TRPM8: variants seen among roughly 807,000 people sequenced by gnomAD.
TRPM8 encodes transient receptor potential cation channel subfamily M member 8.
TRPM8 carries 110 observed loss-of-function variants against 133.7 expected under a neutral mutation model. That is an observed-to-expected ratio of 0.82 (90% CI 0.70 to 0.96). The LOEUF (loss-of-function observed/expected upper bound fraction) is 0.96. Ranked by LOEUF, TRPM8 falls within the 40% of genes least tolerant of loss-of-function variation. The probability of loss-of-function intolerance (pLI) is 0.00; values close to 1 mark genes in which losing one functional copy is unlikely to be tolerated. For synonymous variants in TRPM8, 535 were observed against 532.3 expected, an observed-to-expected ratio of 1.01 and a Z score of -0.07; for missense variants, 1,291 against 1,379.5, an observed-to-expected ratio of 0.94 and a Z score of 1.02.
At chr2:234,016,380 G>A (rs903678450) in intron 25 of TRPM8, among the ~76,000 whole-genome samples, 3 of 152,102 alleles carry the variant, frequency 2.0e-5, no homozygotes, top group African/African-American at 7.2e-5. Flanking sequence ...TTTGAATGTT[G>A]TGTTTGTCAT....
Position 234,016,152 on chromosome 2 carries a change from C to G in TRPM8, c.*43-1147C>G, listed in dbSNP as rs17864780. Among the ~76,000 whole-genome samples, 433 of 152,016 alleles carry G rather than the reference C, an allele frequency of 2.8e-3. 2 individuals are homozygous for G. The highest frequency in any genetic ancestry group is 9.9e-3 in the African/African-American group (410 of 41,452). On this transcript the variant is annotated intron_variant, in intron 25 of 25. Transcript: ENST00000324695. ...TATTAACATATTGAGAATTAAGTAA[C>G]TGATGAATGAAAAGGAACTAAGAGA... is the stretch of plus-strand genomic sequence containing the variant.
intron 2 of TRPM8, 74 bp downstream of exon 2, chr2:233,926,728 C>T: frequency 1.7e-6 from 2 of 1,153,672 alleles, no homozygotes; most frequent in African/African-American, 1.5e-5. Flanking sequence ...TGCATTTGCA[C>T]ATTGACTTTT....
chr2:233,957,532 AC>A (rs1293536135), intron 11 of TRPM8, among the ~76,000 whole-genome samples: 2 of 152,330 alleles, frequency 1.3e-5, no homozygotes, highest in Admixed American at 6.5e-5. Context: ...AAACAAAAAA[AC>A]AAAAAAATTA....
chr2:233,939,271 C>A, intron 5 of TRPM8, 96 bp downstream of exon 5: 1 of 1,356,182 alleles, frequency 7.4e-7, no homozygotes, highest in Non-Finnish European at 1.0e-6. Flanking sequence ...TCCGGAGAAT[C>A]CGGGTGCTGC....
intron 4 of TRPM8, among the ~76,000 whole-genome samples, 190 bp from the exon 5 acceptor site, chr2:233,938,808 A>G (rs1360399583): frequency 1.3e-5 from 2 of 151,788 alleles, no homozygotes; most frequent in African/African-American, 4.8e-5. Context: ...TTCCTTTCAC[A>G]CTTCCACTTC....
intron 4 of TRPM8, 72 bp from the exon 5 acceptor site, chr2:233,938,926 G>A: frequency 6.6e-7 from 1 of 1,520,420 alleles, no homozygotes; most frequent in Non-Finnish European, 9.0e-7. Flanking sequence ...CTTGGAAGTT[G>A]GGAGGGAATG....
Position 234,014,589 on chromosome 2 carries a change from G to C in TRPM8, c.3292G>C (p.Glu1098Gln). 1 of 1,552,316 alleles carries C rather than the reference G, an allele frequency of 6.4e-7. No individual in the cohort carries two copies. The highest frequency in any genetic ancestry group is 1.4e-5 in the African/African-American group (1 of 71,366). ...TAATGATCTCAAGGGTCTTCTGAAA[G>C]AGATTGCTAATAAAATCAAATAAAA... is the stretch of plus-strand genomic sequence containing the variant. ...KLNDLKGLLK[E>Q]IANKIK Residue 1098 changes from glutamate to glutamine, a missense_variant, in exon 25 of 26, where the codon GAG becomes CAG. Transcript: ENST00000324695.
intron 1 of TRPM8, among the ~76,000 whole-genome samples, chr2:233,919,236 T>G (rs1691361571): frequency 6.6e-6 from 1 of 152,150 alleles, no homozygotes; most frequent in Admixed American, 6.5e-5. Context: ...TGCATGAATA[T>G]TCTGTTGTTC....
intron 4 of TRPM8, among the ~76,000 whole-genome samples, chr2:233,938,450 G>T (rs1356141565): frequency 6.6e-6 from 1 of 152,200 alleles, no homozygotes; most frequent in Non-Finnish European, 1.5e-5. Context: ...GCCTTAAGAG[G>T]TTCTGACAAC....
At position 233,970,390 on chromosome 2, in the gene TRPM8, G is replaced by A. The variant is rs139854519; in HGVS notation, c.2319G>A (p.Ser773=). 4.7e-5 allele frequency: 76 copies of A among 1,614,010 alleles called. No homozygotes were observed. The East Asian group carries it at 5.8e-4, about 12-fold the overall frequency. The change falls in exon 17 of 26, where the codon TCG becomes TCA. Residue 773 remains serine, a synonymous_variant. Transcript: ENST00000324695. The stretch of plus-strand genomic sequence containing the variant: ...ACCCCCCCGAGCTGGTCCTGTACTC[G>A]CTGGTCTTTGTCCTCTTCTGTGATG... The part of the protein sequence containing the change: ...VPHPPELVLY[S]LVFVLFCDEV...
rs1559516476 is a variant in TRPM8 at position 233,927,854 on chromosome 2, T to TCC, written c.117+1200_117+1201insCC. 4.1e-4 allele frequency among the ~76,000 whole-genome samples: 23 copies of TCC among 55,968 alleles called. 2 individuals carry two copies. Among genetic ancestry groups the TCC allele is most frequent in the East Asian group, 5.7e-4 (1 of 1,762 alleles). 36.7% of individuals were successfully genotyped at this position (55,968 alleles called of 152,430 possible). A position where few individuals can be genotyped will look rare whatever the true frequency, so the allele number is the denominator to read the frequency against. ...TTCCTTCCTTCCTTCCTTCCTTCCT[T>TCC]TCTTTCTCTTTCTTTCTTTCTTTCT... On this transcript the variant is annotated intron_variant, in intron 2 of 25. Coordinates refer to ENST00000324695, the MANE Select transcript of TRPM8 (RefSeq NM_024080.5).
At chr2:234,016,546 A>G (rs561443584) in intron 25 of TRPM8, among the ~76,000 whole-genome samples, 3 of 152,128 alleles carry the variant, frequency 2.0e-5, no homozygotes, top group Non-Finnish European at 4.4e-5. Context: ...GTGGGAGTGA[A>G]CTGGAAACCG....
At chr2:233,917,460 T>C (rs1691326085) in intron 1 of TRPM8, 28 bp downstream of exon 1, 1 of 152,196 alleles carries the variant, frequency 6.6e-6, no homozygotes, top group Non-Finnish European at 1.5e-5. Flanking sequence ...GCTTTTTGCT[T>C]CTCCTTAAAT....
chr2:233,982,947 C>G (rs1247424632), intron 19 of TRPM8, 106 bp from the exon 20 acceptor site: 22 of 1,282,582 alleles, frequency 1.7e-5, no homozygotes, highest in Non-Finnish European at 2.4e-5. Context: ...GCTCTGAGCC[C>G]TGGAACCGCT....
In TRPM8 at chr2:234,005,927, T is replaced by TACACACACACACACACACAC. The variant is rs35379195; in HGVS notation, c.3131-904_3131-885dup. On this transcript the variant is annotated intron_variant, in intron 22 of 25. Coordinates refer to ENST00000324695, the MANE Select transcript of TRPM8 (RefSeq NM_024080.5). ...TGGGTGACAAGAGCGAAACGTCATC[T>TACACACACACACACACACAC]ACACACACACACACACACACACACA... is the stretch of plus-strand genomic sequence containing the variant. 3.5e-4 allele frequency among the ~76,000 whole-genome samples: 48 copies of TACACACACACACACACACAC among 136,072 alleles called. 1 individual carries two copies. The highest frequency in any genetic ancestry group is 1.3e-3 in the African/African-American group (46 of 35,108). The allele number at this position is 136,072 out of a possible 152,430, so 89.3% of individuals were successfully genotyped here. A position where few individuals can be genotyped will look rare whatever the true frequency, so the allele number is the denominator to read the frequency against.
rs1691525029 is a variant in TRPM8 at position 233,926,708 on chromosome 2, C to T, written c.117+54C>T. 8.8e-6 allele frequency: 12 copies of T among 1,367,140 alleles called. No individual in the cohort carries two copies. The Admixed American group carries it at 1.2e-4, about 14-fold the overall frequency. The allele number at this position is 1,367,140 out of a possible 1,614,324, so 84.7% of individuals were successfully genotyped here. A position where few individuals can be genotyped will look rare whatever the true frequency, so the allele number is the denominator to read the frequency against. The stretch of plus-strand genomic sequence containing the variant: ...GGTTATCATTGTAACCTTCGTAAGC[C>T]GTCAAATCCTGCATTTGCACATTGA... On this transcript the variant is annotated intron_variant, in intron 2 of 25. Transcript: ENST00000324695.
chr2:233,919,123 G>T (rs1691359054), intron 1 of TRPM8, among the ~76,000 whole-genome samples: 1 of 150,826 alleles, frequency 6.6e-6, no homozygotes, highest in South Asian at 2.1e-4. Flanking sequence ...TTTGACCATG[G>T]TGATAGGTGA....
At chr2:233,993,170 T>A (rs1692324879) in intron 21 of TRPM8, among the ~76,000 whole-genome samples, 1 of 152,232 alleles carries the variant, frequency 6.6e-6, no homozygotes, top group Admixed American at 6.5e-5. Context: ...TGTCCAGTTA[T>A]CAGCTGGTTC....
chr2:233,997,694 A>T (rs935012625), intron 22 of TRPM8, among the ~76,000 whole-genome samples: 10 of 152,040 alleles, frequency 6.6e-5, no homozygotes, highest in Admixed American at 1.3e-4. Context: ...TCTGGTTTCC[A>T]GGGGTCCACC....
Sources: allele counts gnomAD v4.1 joint callset (sites outside exome capture counted in the v4.1 genomes callset), GRCh38; gene constraint gnomAD v4.1.1; transcripts MANE v1.5; gene names NCBI Gene and HGNC (gene_info 2026-07-23, HGNC 2026-07-21).